The following SYNE1 variants were observed in gnomAD, a reference collection of about 807,000 sequenced individuals.
SYNE1 encodes spectrin repeat containing nuclear envelope protein 1, also known as nesprin-1.
In SYNE1, 616 loss-of-function variants were observed where a neutral mutation model predicts 1,111.0. The observed-to-expected ratio is 0.55, with a 90% CI of 0.52 to 0.59. The LOEUF is 0.59. Ranked by LOEUF, SYNE1 falls within the 20% of genes least tolerant of loss-of-function variation. SYNE1 has a pLI of 0.00. For missense variants in SYNE1, 10,006 were observed against 10,417.0 expected, an observed-to-expected ratio of 0.96 and a Z score of 1.72; for synonymous variants, 3,855 against 3,825.8, an observed-to-expected ratio of 1.01 and a Z score of -0.28.
intron 35 of SYNE1, 25 bp from the exon 36 acceptor site, chr6:152,430,235 A>C (rs2098416155): frequency 6.4e-7 from 1 of 1,560,576 alleles, no homozygotes. Context: ...CAATATAAAA[A>C]TAACAGTGGG....
intron 98 of SYNE1, among the ~76,000 whole-genome samples, chr6:152,275,457 C>A (rs933686567): frequency 6.6e-6 from 1 of 152,102 alleles, no homozygotes; most frequent in African/African-American, 2.4e-5. Context: ...GTAATGCCAC[C>A]TAAAATATTT....
intron 77 of SYNE1, among the ~76,000 whole-genome samples, chr6:152,333,374 C>T (rs558199354): frequency 1.4e-4 from 21 of 152,020 alleles, no homozygotes; most frequent in Non-Finnish European, 2.8e-4. Context: ...CATATAGGTT[C>T]AAGAAGGATT....
chr6:152,243,113 A>G (rs2086179740), intron 106 of SYNE1, among the ~76,000 whole-genome samples: 1 of 152,242 alleles, frequency 6.6e-6, no homozygotes, highest in Non-Finnish European at 1.5e-5. Flanking sequence ...GGATATCAAT[A>G]GTTTATGATA....
chr6:152,563,856 A>G (rs528239777), intron 3 of SYNE1, among the ~76,000 whole-genome samples: 59 of 152,262 alleles, frequency 3.9e-4, no homozygotes, highest in African/African-American at 1.3e-3. Flanking sequence ...ATTTTTCCCA[A>G]ATATCTAATA....
intron 85 of SYNE1, 32 bp downstream of exon 85, chr6:152,318,831 T>C (rs752226346): frequency 1.2e-6 from 2 of 1,612,960 alleles, no homozygotes; most frequent in Non-Finnish European, 1.7e-6. Context: ...TTTAATTCAT[T>C]CAGTAGTACC....
At chr6:152,231,248 G>T in intron 114 of SYNE1, 143 bp downstream of exon 114, 1 of 794,756 alleles carries the variant, frequency 1.3e-6, no homozygotes, top group Non-Finnish European at 2.1e-6. Flanking sequence ...AGGAAGTTTA[G>T]GGTGATTAAC....
At chr6:152,433,970 T>C (rs2098451644) in intron 33 of SYNE1, 25 bp from the exon 34 acceptor site, 3 of 1,577,318 alleles carry the variant, frequency 1.9e-6, no homozygotes, top group Non-Finnish European at 2.6e-6. Flanking sequence ...ATTAAGTAAA[T>C]AAAACTCAGT....
intron 131 of SYNE1, among the ~76,000 whole-genome samples, chr6:152,162,051 G>A (rs1395143795): frequency 6.6e-6 from 1 of 152,188 alleles, no homozygotes; most frequent in South Asian, 2.1e-4. Context: ...TCTCCAGAGA[G>A]TAATCATCTG....
At chr6:152,248,011 G>T (rs1206204037) in intron 105 of SYNE1, among the ~76,000 whole-genome samples, 1 of 151,936 alleles carries the variant, frequency 6.6e-6, no homozygotes, top group East Asian at 1.9e-4. Context: ...TATGAAACAG[G>T]AGATATTCTA....
chr6:152,297,556 G>T (rs2094938176), intron 93 of SYNE1, among the ~76,000 whole-genome samples: 1 of 152,088 alleles, frequency 6.6e-6, no homozygotes, highest in African/African-American at 2.4e-5. Flanking sequence ...TAACAGGCAG[G>T]CCTATATGTT....
At chr6:152,496,128 C>T (rs1317550457) in intron 11 of SYNE1, among the ~76,000 whole-genome samples, 4 of 152,152 alleles carry the variant, frequency 2.6e-5, no homozygotes, top group Non-Finnish European at 5.9e-5. Flanking sequence ...TCCTTACTCC[C>T]AAAATTCAAT....
chr6:152,410,853 A>T (rs538991366), intron 42 of SYNE1, among the ~76,000 whole-genome samples: 22 of 152,364 alleles, frequency 1.4e-4, no homozygotes, highest in African/African-American at 4.1e-4. Context: ...TCATACCATT[A>T]TTTGTAATAG....
chr6:152,554,168 C>T (rs902029206), intron 3 of SYNE1, among the ~76,000 whole-genome samples: 8 of 152,030 alleles, frequency 5.3e-5, no homozygotes, highest in African/African-American at 1.9e-4. Flanking sequence ...TCTGCTGCAC[C>T]AGCTACAATG....
intron 130 of SYNE1, chr6:152,167,949 G>A (rs200119050): frequency 9.0e-6 from 7 of 774,320 alleles, no homozygotes; most frequent in Middle Eastern, 2.3e-4. Context: ...ACAAACCAAC[G>A]AATAACTCTT....
chr6:152,579,558 G>A (rs2099512439), intron 3 of SYNE1, among the ~76,000 whole-genome samples: 1 of 152,064 alleles, frequency 6.6e-6, no homozygotes, highest in Admixed American at 6.6e-5. Flanking sequence ...GCATGTACAG[G>A]TTTGTTACAT....
intron 104 of SYNE1, 32 bp downstream of exon 104, chr6:152,254,848 G>A (rs1188663839): frequency 1.9e-6 from 3 of 1,579,796 alleles, no homozygotes; most frequent in Non-Finnish European, 2.6e-6. Context: ...CCTAGAGAAT[G>A]GTCACGTATC....
At chr6:152,585,360 T>C (rs2099534450) in intron 3 of SYNE1, among the ~76,000 whole-genome samples, 1 of 152,240 alleles carries the variant, frequency 6.6e-6, no homozygotes, top group African/African-American at 2.4e-5. Flanking sequence ...ATTAACAACT[T>C]TGTGGTCTAG....
intron 6 of SYNE1, 32 bp from the exon 7 acceptor site, chr6:152,511,135 G>A (rs1485004557): frequency 6.5e-7 from 1 of 1,549,700 alleles, no homozygotes; most frequent in Middle Eastern, 1.7e-4. Flanking sequence ...TACTAGTAAT[G>A]TACTAGAATA....
In SYNE1 at chr6:152,628,492, A is replaced by C; in HGVS notation, c.-161T>G. 1 of 697,774 alleles carries C rather than the reference A, an allele frequency of 1.4e-6. No homozygotes were observed. Among genetic ancestry groups the C allele is most frequent in the Non-Finnish European group, 2.6e-6 (1 of 391,340 alleles). 43.2% of individuals were successfully genotyped at this position (697,774 alleles called of 1,614,324 possible). The stretch of plus-strand genomic sequence containing the variant: ...CTCAACAAGGAGGCAGCTCTCCCAA[A>C]GACTGAACTGCTTCTTTTTCTTCTT... On this transcript the variant is annotated 5_prime_UTR_variant, in exon 3 of 146. Transcript: ENST00000367255.
Sources: allele counts gnomAD v4.1 joint callset (sites outside exome capture counted in the v4.1 genomes callset), GRCh38; gene constraint gnomAD v4.1.1; transcripts MANE v1.5; gene names NCBI Gene and HGNC (gene_info 2026-07-23, HGNC 2026-07-21).